PHF24: variants seen among roughly 807,000 people sequenced by gnomAD.
The protein encoded by PHF24 is Galpha inhibitory interacting protein.
A neutral mutation model predicts 42.6 loss-of-function variants in PHF24; 25 were observed. That is an observed-to-expected ratio of 0.59 (90% CI 0.43 to 0.82). PHF24 has a LOEUF of 0.82. Ranked by LOEUF, PHF24 falls within the 40% of genes least tolerant of loss-of-function variation. The pLI is 0.00. For missense variants in PHF24, 470 were observed against 538.1 expected (o/e 0.87, Z 1.25); for synonymous variants, 185 against 204.8 (o/e 0.90, Z 0.83).
the PHF24 span, among the ~76,000 whole-genome samples, chr9:34,906,512 T>A: frequency 1.3e-5 from 2 of 152,056 alleles, no homozygotes; most frequent in East Asian, 3.9e-4. Flanking sequence ...TTCCTGATGC[T>A]TTGACATGGT....
chr9:34,735,458 T>C, the PHF24 span, among the ~76,000 whole-genome samples: 1 of 150,914 alleles, frequency 6.6e-6, no homozygotes, highest in Non-Finnish European at 1.5e-5. Flanking sequence ...TTCAACAAAA[T>C]ATTATTACAA....
the PHF24 span, among the ~76,000 whole-genome samples, chr9:34,925,981 C>A: frequency 0.017 from 2,541 of 152,256 alleles, 37 homozygotes; most frequent in Non-Finnish European, 0.026. Context: ...GGTGTTGGTT[C>A]ATGGGGTGTA....
the PHF24 span, among the ~76,000 whole-genome samples, chr9:34,916,318 C>G: frequency 6.6e-6 from 1 of 152,210 alleles, no homozygotes; most frequent in South Asian, 2.1e-4. Context: ...GGAGTCTACT[C>G]TTTTATCGGG....
At chr9:34,753,781 TA>T in the PHF24 span, among the ~76,000 whole-genome samples, 1 of 152,072 alleles carries the variant, frequency 6.6e-6, no homozygotes. Flanking sequence ...GGTACTGGCA[TA>T]AAAACAGACA....
the PHF24 span, among the ~76,000 whole-genome samples, chr9:34,924,573 G>T: frequency 0.46 from 70,175 of 151,894 alleles, 16,653 homozygotes; most frequent in Non-Finnish European, 0.52. Context: ...ATGTATTTTA[G>T]CTGATATTAG....
chr9:34,797,988 A>G, the PHF24 span, among the ~76,000 whole-genome samples: 1 of 152,064 alleles, frequency 6.6e-6, no homozygotes, highest in African/African-American at 2.4e-5. Flanking sequence ...CATTTTTGAA[A>G]CAACCAAACT....
the PHF24 span, among the ~76,000 whole-genome samples, chr9:34,736,161 A>C: frequency 1.3e-5 from 2 of 151,938 alleles, no homozygotes; most frequent in African/African-American, 4.8e-5. Context: ...TGAAAAAAGC[A>C]AAACAATACC....
the PHF24 span, among the ~76,000 whole-genome samples, chr9:34,714,346 A>G: frequency 5.8e-4 from 88 of 152,240 alleles, no homozygotes; most frequent in Admixed American, 1.0e-3. Flanking sequence ...GAAAGTAGTG[A>G]GCAGCCTGTC....
the PHF24 span, among the ~76,000 whole-genome samples, chr9:34,943,449 C>T: frequency 6.6e-6 from 1 of 152,110 alleles, no homozygotes; most frequent in African/African-American, 2.4e-5. Flanking sequence ...CCACTCTGAG[C>T]CAGATTTTAG....
At chr9:34,756,301 G>A in the PHF24 span, among the ~76,000 whole-genome samples, 167 of 152,218 alleles carry the variant, frequency 1.1e-3, no homozygotes, top group African/African-American at 3.9e-3. Flanking sequence ...GTTTTGCCAT[G>A]TTGGTCAGGC....
chr9:34,977,866 C>G, intron 7 of PHF24, 149 bp from the exon 8 acceptor site: 1 of 773,202 alleles, frequency 1.3e-6, no homozygotes, highest in East Asian at 2.5e-5. Flanking sequence ...CCAAGCTTCC[C>G]TGAGTTTTGT....
the PHF24 span, among the ~76,000 whole-genome samples, chr9:34,884,263 T>A: frequency 6.6e-6 from 1 of 151,928 alleles, no homozygotes; most frequent in African/African-American, 2.4e-5. Flanking sequence ...ATACCTAATA[T>A]ACCTAATGTA....
At chr9:34,755,335 T>TA in the PHF24 span, among the ~76,000 whole-genome samples, 1 of 152,124 alleles carries the variant, frequency 6.6e-6, no homozygotes, top group Non-Finnish European at 1.5e-5. Context: ...TATATACACT[T>TA]ACAATGTACC....
chr9:34,867,063 T>G, the PHF24 span, among the ~76,000 whole-genome samples: 1 of 152,194 alleles, frequency 6.6e-6, no homozygotes, highest in African/African-American at 2.4e-5. Flanking sequence ...TACATGAGAA[T>G]AAAATTATGG....
upstream of PHF24, among the ~76,000 whole-genome samples, chr9:34,953,520 G>T (rs184402814): frequency 6.6e-6 from 1 of 152,282 alleles, no homozygotes; most frequent in African/African-American, 2.4e-5. This position sits in a 1 kb window ranked among gnomAD's most constrained non-coding sequence, Gnocchi z 4.1. Context: ...GGTATTAAGG[G>T]ATTGTTGCAG....
chr9:34,831,187 G>A, the PHF24 span, among the ~76,000 whole-genome samples: 2 of 152,214 alleles, frequency 1.3e-5, no homozygotes, highest in South Asian at 2.1e-4. Flanking sequence ...AGGGTGACAG[G>A]AACCAAGGGC....
At chr9:34,897,820 A>T in the PHF24 span, among the ~76,000 whole-genome samples, 1 of 151,592 alleles carries the variant, frequency 6.6e-6, no homozygotes, top group East Asian at 1.9e-4. Flanking sequence ...TTTATCCCTC[A>T]CCTCCTCCCA....
chr9:34,709,508 G>C, the PHF24 span: 1 of 1,614,054 alleles, frequency 6.2e-7, no homozygotes, highest in East Asian at 2.2e-5. Flanking sequence ...ACCTCTTGCA[G>C]CCTTTGGAGC....
At chr9:34,872,391 A>G in the PHF24 span, among the ~76,000 whole-genome samples, 5 of 122,122 alleles carry the variant, frequency 4.1e-5, no homozygotes, top group African/African-American at 1.3e-4. Context: ...AGAGTGTGAT[A>G]TTCCCCTTCC....
Sources: allele counts gnomAD v4.1 joint callset (sites outside exome capture counted in the v4.1 genomes callset), GRCh38; gene constraint gnomAD v4.1.1; non-coding constraint Gnocchi (gnomAD v3.1); transcripts MANE v1.5; gene names NCBI Gene and HGNC (gene_info 2026-07-23, HGNC 2026-07-21).